Variants in GPC5 observed in about 807,000 individuals in gnomAD.
GPC5 encodes glypican-5.
A neutral mutation model predicts 53.9 loss-of-function variants in GPC5; 47 were observed. The ratio of observed to expected loss-of-function variants is 0.87; its 90% confidence interval spans 0.69 to 1.11. The LOEUF (loss-of-function observed/expected upper bound fraction) is 1.11. Ranked by LOEUF, GPC5 falls within the 50% of genes most tolerant of loss-of-function variation. GPC5 has a pLI of 0.00. For missense variants in GPC5, 748 were observed against 713.1 expected (o/e 1.05, Z -0.56); for synonymous variants, 286 against 263.3 (o/e 1.09, Z -0.84).
At chr13:92,822,954 A>C (rs1342989610) in intron 7 of GPC5, among the ~76,000 whole-genome samples, 2 of 151,700 alleles carry the variant, frequency 1.3e-5, no homozygotes, top group African/African-American at 4.8e-5. Context: ...CTTTGTAGTA[A>C]GCACTTTTTG....
chr13:92,038,845 C>G (rs142315154), intron 6 of GPC5, among the ~76,000 whole-genome samples: 115 of 152,132 alleles, frequency 7.6e-4, no homozygotes, highest in African/African-American at 2.7e-3. Flanking sequence ...CCAGGAAGCT[C>G]TAACATTAAA....
At chr13:92,386,501 A>G (rs986204220) in intron 7 of GPC5, among the ~76,000 whole-genome samples, 2 of 152,038 alleles carry the variant, frequency 1.3e-5, no homozygotes, top group African/African-American at 4.8e-5. Context: ...GTGAATGGTA[A>G]CTCACAGATG....
chr13:92,776,554 G>T (rs1566413536), intron 7 of GPC5, among the ~76,000 whole-genome samples: 1 of 152,146 alleles, frequency 6.6e-6, no homozygotes. Flanking sequence ...AGGGCCATGG[G>T]GAGAGGCAGT....
chr13:92,142,135 A>G (rs1331004), intron 6 of GPC5, among the ~76,000 whole-genome samples: 90 of 152,346 alleles, frequency 5.9e-4, no homozygotes, highest in Non-Finnish European at 1.2e-3. Flanking sequence ...AACATGGTAC[A>G]TGTATAGCTA....
chr13:91,729,451 T>G (rs1294860014), intron 4 of GPC5, among the ~76,000 whole-genome samples: 3 of 152,202 alleles, frequency 2.0e-5, no homozygotes, highest in Admixed American at 2.0e-4. Flanking sequence ...ATTCAGAATT[T>G]TATATTCATT....
chr13:91,836,303 G>A (rs182861782), intron 5 of GPC5, among the ~76,000 whole-genome samples: 3 of 151,736 alleles, frequency 2.0e-5, no homozygotes, highest in African/African-American at 7.2e-5. Flanking sequence ...TAAACTTTTT[G>A]GTTTTCATTT....
intron 5 of GPC5, among the ~76,000 whole-genome samples, chr13:91,792,986 A>G (rs188253169): frequency 6.6e-6 from 1 of 152,278 alleles, no homozygotes; most frequent in East Asian, 1.9e-4. Flanking sequence ...GAGGCCATTC[A>G]TGTTAAACCC....
At chr13:91,614,759 C>T (rs531949327) in intron 2 of GPC5, among the ~76,000 whole-genome samples, 2 of 152,036 alleles carry the variant, frequency 1.3e-5, no homozygotes, top group African/African-American at 2.4e-5. Flanking sequence ...TAGAAGAGGG[C>T]GATCATGAAG....
intron 7 of GPC5, among the ~76,000 whole-genome samples, chr13:92,253,520 G>A (rs1025963053): frequency 1.5e-4 from 23 of 152,200 alleles, no homozygotes; most frequent in African/African-American, 5.5e-4. Context: ...GTAGTCACCT[G>A]TGTGTAGTGG....
intron 2 of GPC5, among the ~76,000 whole-genome samples, chr13:91,621,500 A>C (rs750946810): frequency 6.6e-6 from 1 of 151,996 alleles, no homozygotes; most frequent in Admixed American, 6.6e-5. Context: ...GAATTGTTGG[A>C]ATAGCAAAGC....
At position 91,755,197 on chromosome 13, in the gene GPC5, G is replaced by T. The variant is rs78453607; in HGVS notation, c.1155-1098G>T. ...TTGAGTAACAGAGCTGACAAAATGA[G>T]ATTTCATTTTTAAAAAATTAGTTAC... On this transcript the variant is annotated intron_variant, in intron 4 of 7. Transcript: ENST00000377067. Among the ~76,000 whole-genome samples, 901 of 152,044 alleles carry T rather than the reference G, an allele frequency of 5.9e-3. 9 individuals carry two copies. The highest frequency in any genetic ancestry group is 0.02 in the African/African-American group (828 of 41,490).
At chr13:91,988,103 A>G (rs2040425733) in intron 6 of GPC5, among the ~76,000 whole-genome samples, 1 of 149,560 alleles carries the variant, frequency 6.7e-6, no homozygotes, top group South Asian at 2.1e-4. Flanking sequence ...ACCAGGTCTC[A>G]GAAGCTTTTA....
chr13:92,053,855 C>A (rs2041051178), intron 6 of GPC5, among the ~76,000 whole-genome samples: 1 of 151,580 alleles, frequency 6.6e-6, no homozygotes, highest in Non-Finnish European at 1.5e-5. Flanking sequence ...CATGGTGAAA[C>A]CCCGTCTCTA....
chr13:91,641,447 C>T (rs576420126), intron 2 of GPC5, among the ~76,000 whole-genome samples: 3 of 152,094 alleles, frequency 2.0e-5, no homozygotes, highest in Non-Finnish European at 4.4e-5. Context: ...ACAACACACA[C>T]TGGGGCCTGT....
At position 92,541,535 on chromosome 13, in the gene GPC5, A is replaced by G. The variant is rs147434969; in HGVS notation, c.1562-324747A>G. On this transcript the variant is annotated intron_variant, in intron 7 of 7. Transcript: ENST00000377067. ...TTTTCTATTTTCTTTCTTATTTTAG[A>G]TACTAGTTACATTGTTAACACCCTG... is the stretch of plus-strand genomic sequence containing the variant. Among the ~76,000 whole-genome samples the G allele has an allele frequency of 6.1e-3, 928 of 151,772 alleles. 11 individuals are homozygous for G. The highest frequency in any genetic ancestry group is 0.022 in the African/African-American group (894 of 41,470).
chr13:91,725,752 C>T (rs527332973), intron 3 of GPC5, among the ~76,000 whole-genome samples: 70 of 152,236 alleles, frequency 4.6e-4, no homozygotes, highest in African/African-American at 1.4e-3. Flanking sequence ...ATAGCAGTTA[C>T]AATCTGAGGT....
At chr13:91,754,522 A>C (rs1193862542) in intron 4 of GPC5, among the ~76,000 whole-genome samples, 1 of 152,128 alleles carries the variant, frequency 6.6e-6, no homozygotes, top group African/African-American at 2.4e-5. Context: ...ATTTTACATC[A>C]TCAATTTAAA....
chr13:91,922,581 C>T (rs1289973840), intron 6 of GPC5, among the ~76,000 whole-genome samples: 3 of 152,102 alleles, frequency 2.0e-5, no homozygotes, highest in African/African-American at 4.8e-5. Context: ...CTTAGTCATT[C>T]GTTATGTCTC....
chr13:91,549,507 A>G (rs754518304), intron 2 of GPC5, among the ~76,000 whole-genome samples: 16 of 152,174 alleles, frequency 1.1e-4, no homozygotes, highest in Non-Finnish European at 2.1e-4. Flanking sequence ...TGCAAAAGAC[A>G]CATCTGATAA....
Sources: gnomAD v4.1 joint callset for allele counts (sites outside exome capture counted in the v4.1 genomes callset) on GRCh38, gnomAD v4.1.1 for gene constraint, MANE v1.5 for transcripts, NCBI Gene and HGNC (gene_info 2026-07-23, HGNC 2026-07-21) for gene names.